PIKFYVE: variants seen among roughly 807,000 people sequenced by gnomAD.
The protein encoded by PIKFYVE is phosphoinositide kinase, FYVE-type zinc finger containing.
A neutral mutation model predicts 257.9 loss-of-function variants in PIKFYVE; 122 were observed. That is an observed-to-expected ratio of 0.47 (90% CI 0.41 to 0.55). PIKFYVE has a LOEUF of 0.55. Ranked by LOEUF, PIKFYVE falls within the 20% of genes least tolerant of loss-of-function variation. The probability of loss-of-function intolerance (pLI) is 0.00; values close to 1 mark genes in which losing one functional copy is unlikely to be tolerated. For synonymous variants in PIKFYVE, 892 were observed against 868.9 expected, an observed-to-expected ratio of 1.03 and a Z score of -0.47; for missense variants, 2,160 against 2,536.6, an observed-to-expected ratio of 0.85 and a Z score of 3.19.
chr2:208,288,869 T>C (rs757331710), intron 7 of PIKFYVE, 51 bp downstream of exon 7: 1 of 1,601,928 alleles, frequency 6.2e-7, no homozygotes, highest in East Asian at 2.2e-5. Flanking sequence ...TTTCTTTTCA[T>C]GCTAATAAGA....
intron 5 of PIKFYVE, among the ~76,000 whole-genome samples, chr2:208,282,317 A>G (rs1016942361): frequency 6.6e-6 from 1 of 152,200 alleles, no homozygotes; most frequent in African/African-American, 2.4e-5. Flanking sequence ...CAGAAAACTT[A>G]CCCTTAAGAT....
intron 7 of PIKFYVE, among the ~76,000 whole-genome samples, chr2:208,294,892 C>G (rs1486403253): frequency 6.6e-6 from 1 of 152,178 alleles, no homozygotes; most frequent in African/African-American, 2.4e-5. Flanking sequence ...AAGCCAGAAG[C>G]CGGAGGGAAT....
chr2:208,274,171 C>G, intron 3 of PIKFYVE: 1 of 1,113,226 alleles, frequency 9.0e-7, no homozygotes, highest in Non-Finnish European at 1.3e-6. Flanking sequence ...GCCACTTGCT[C>G]TTGGCCTTCT....
chr2:208,314,109 T>C (rs1471602497), intron 13 of PIKFYVE, among the ~76,000 whole-genome samples, 185 bp from the exon 14 acceptor site: 1 of 152,248 alleles, frequency 6.6e-6, no homozygotes, highest in Non-Finnish European at 1.5e-5. Context: ...ATTTTATGTA[T>C]TTGTAAGTAT....
intron 35 of PIKFYVE, 21 bp downstream of exon 35, chr2:208,348,044 T>G: frequency 6.2e-7 from 1 of 1,612,638 alleles, no homozygotes; most frequent in Non-Finnish European, 8.5e-7. Flanking sequence ...GAAGAGTAAA[T>G]GTGCTTATTC....
Position 208,336,928 on chromosome 2 carries a change from GGTATGAAATGTA to G in PIKFYVE, c.4611+3_4611+14del. On this transcript the variant is annotated splice_donor_variant and splice_donor_5th_base_variant and intron_variant, in intron 28 of 41. Transcript: ENST00000264380. LOFTEE classifies it high-confidence loss of function. ...GACTGAGACAAGGGGAAGAAAGCAAGGTATGAAATGTAGTCTTGTCTTTGGTCCTTAATCAAT... is the reference window on the plus strand; with the variant it reads ...GACTGAGACAAGGGGAAGAAAGCAAGGTCTTGTCTTTGGTCCTTAATCAAT... 1 of 1,603,636 alleles carries G rather than the reference GGTATGAAATGTA, an allele frequency of 6.2e-7. No homozygotes were observed. The highest frequency in any genetic ancestry group is 8.5e-7 in the Non-Finnish European group (1 of 1,171,216).
intron 29 of PIKFYVE, 141 bp downstream of exon 29, chr2:208,338,709 C>G: frequency 1.3e-6 from 1 of 762,522 alleles, no homozygotes; most frequent in Non-Finnish European, 2.3e-6. Flanking sequence ...CACTTGTAAT[C>G]CTATCAGATT....
intron 21 of PIKFYVE, among the ~76,000 whole-genome samples, chr2:208,329,215 T>C (rs1261228626): frequency 6.6e-6 from 1 of 152,160 alleles, no homozygotes; most frequent in East Asian, 1.9e-4. Context: ...CCAGAACATA[T>C]TCTGTGTTTT....
intron 3 of PIKFYVE, among the ~76,000 whole-genome samples, chr2:208,275,467 G>C (rs1689983843): frequency 6.6e-6 from 1 of 152,170 alleles, no homozygotes; most frequent in African/African-American, 2.4e-5. Flanking sequence ...TCAATTTGTA[G>C]ATCATGGGGA....
At chr2:208,271,886 C>T (rs186007026) in intron 2 of PIKFYVE, among the ~76,000 whole-genome samples, 195 bp downstream of exon 2, 1 of 152,090 alleles carries the variant, frequency 6.6e-6, no homozygotes, top group African/African-American at 2.4e-5. Flanking sequence ...GAAGAGAAAG[C>T]TAGAATTTTC....
intron 20 of PIKFYVE, among the ~76,000 whole-genome samples, 174 bp downstream of exon 20, chr2:208,326,603 A>G (rs1472398238): frequency 6.6e-6 from 1 of 152,140 alleles, no homozygotes; most frequent in African/African-American, 2.4e-5. Context: ...TTACTTTAAT[A>G]TGTATGAAGC....
chr2:208,321,823 G>A (rs1310374911), intron 17 of PIKFYVE, among the ~76,000 whole-genome samples: 2 of 151,942 alleles, frequency 1.3e-5, no homozygotes, highest in South Asian at 4.1e-4. Flanking sequence ...CAGGTGATCC[G>A]CCCGAGGCGT....
At chr2:208,316,971 C>T (rs1289230469) in intron 15 of PIKFYVE, among the ~76,000 whole-genome samples, 3 of 152,044 alleles carry the variant, frequency 2.0e-5, no homozygotes, top group Non-Finnish European at 4.4e-5. Flanking sequence ...ACATCTTATA[C>T]AAAAATTAAT....
In PIKFYVE at chr2:208,354,145, T is replaced by C; in HGVS notation, c.6092T>C (p.Val2031Ala). ...CGAGATGATACTAGCAATGAGCTAGTAGTTGGAATTATAGGTAAGTCAATG... is the reference window on the plus strand; with the variant it reads ...CGAGATGATACTAGCAATGAGCTAGCAGTTGGAATTATAGGTAAGTCAATG... ...VGRDDTSNEL[V>A]VGIIDYIRTF... Residue 2031 changes from valine (V) to alanine (A), a missense_variant, in exon 40 of 42, where the codon GTA becomes GCA. Physicochemically the swap from Val to Ala is moderately conservative, Grantham distance 64. Around this residue, in one of 12 missense-constraint regions of PIKFYVE, gnomAD observed 699 missense variants for 855.8 expected, o/e 0.82. Transcript: ENST00000264380. 6.2e-7 allele frequency: 1 copy of C among 1,613,352 alleles called. No individual in the cohort carries two copies.
At chr2:208,350,128 A>G in intron 36 of PIKFYVE, 45 bp downstream of exon 36, 5 of 1,605,400 alleles carry the variant, frequency 3.1e-6, no homozygotes, top group Non-Finnish European at 4.3e-6. Context: ...GAGGGACTAC[A>G]GTTGAGCCAT....
At position 208,312,202 on chromosome 2, in the gene PIKFYVE, T is replaced by G. The variant is rs771672051; in HGVS notation, c.1637-34T>G. 9.4e-6 allele frequency: 14 copies of G among 1,488,746 alleles called. No homozygotes were observed. The East Asian group carries it at 2.9e-4, about 31-fold the overall frequency. 92.2% of individuals were successfully genotyped at this position (1,488,746 alleles called of 1,614,324 possible). On this transcript the variant is annotated intron_variant, in intron 12 of 41. Transcript: ENST00000264380. ...TGTTATAGTCATATGTCTCTACTTTTGTTCCTCCTCTCTGTTGTCTCCCTG... is the reference window on the plus strand; with the variant it reads ...TGTTATAGTCATATGTCTCTACTTTGGTTCCTCCTCTCTGTTGTCTCCCTG...
intron 35 of PIKFYVE, among the ~76,000 whole-genome samples, chr2:208,349,685 G>A (rs1699587732): frequency 6.6e-6 from 1 of 151,718 alleles, no homozygotes; most frequent in Non-Finnish European, 1.5e-5. Context: ...ACACACATGG[G>A]GAAAATAGTC....
At chr2:208,313,791 C>T (rs1695185660) in intron 13 of PIKFYVE, among the ~76,000 whole-genome samples, 1 of 152,146 alleles carries the variant, frequency 6.6e-6, no homozygotes, top group South Asian at 2.1e-4. Flanking sequence ...CCATGTTGGC[C>T]AGGCTGGTCT....
intron 23 of PIKFYVE, among the ~76,000 whole-genome samples, chr2:208,330,922 T>C (rs1368060828): frequency 6.6e-6 from 1 of 152,148 alleles, no homozygotes; most frequent in Non-Finnish European, 1.5e-5. Flanking sequence ...ACAAGTGCCC[T>C]ATACAGTAAA....
Sources: gnomAD v4.1 joint callset for allele counts (sites outside exome capture counted in the v4.1 genomes callset) on GRCh38, gnomAD v4.1.1 for gene constraint, gnomAD v4.1.1 regional missense constraint, MANE v1.5 for transcripts, NCBI Gene and HGNC (gene_info 2026-07-23, HGNC 2026-07-21) for gene names.